Variants in C1QTNF3 observed in about 807,000 individuals in gnomAD.
C1QTNF3 encodes C1q and TNF related 3, also known as complement C1q tumor necrosis factor-related protein 3.
A neutral mutation model predicts 32.6 loss-of-function variants in C1QTNF3; 26 were observed. The observed-to-expected ratio is 0.80, with a 90% CI of 0.58 to 1.11. The LOEUF (loss-of-function observed/expected upper bound fraction) is 1.11, where lower values mean the gene tolerates loss of function less well. Ranked by LOEUF, C1QTNF3 falls within the 50% of genes least tolerant of loss-of-function variation. The pLI is 0.00. For synonymous variants in C1QTNF3, 155 were observed against 146.0 expected (o/e 1.06, Z -0.44); for missense variants, 362 against 398.2 (o/e 0.91, Z 0.77).
At chr5:34,128,198 C>G in the C1QTNF3 span, among the ~76,000 whole-genome samples, 3 of 152,228 alleles carry the variant, frequency 2.0e-5, no homozygotes, top group Non-Finnish European at 2.9e-5. Context: ...CTTCCACATA[C>G]TGCTGGGCCT....
At chr5:34,064,667 G>A in the C1QTNF3 span, among the ~76,000 whole-genome samples, 3 of 152,168 alleles carry the variant, frequency 2.0e-5, no homozygotes, top group Non-Finnish European at 2.9e-5. Context: ...GCAGATCTGG[G>A]ACGGCGGCAA....
chr5:34,103,643 C>A, the C1QTNF3 span, among the ~76,000 whole-genome samples: 1 of 123,366 alleles, frequency 8.1e-6, no homozygotes, highest in Non-Finnish European at 1.7e-5. Flanking sequence ...CATGGTGAAA[C>A]CTCGTCTCTA....
chr5:34,032,345 G>T (rs1020840257), intron 3 of C1QTNF3, among the ~76,000 whole-genome samples: 1 of 152,136 alleles, frequency 6.6e-6, no homozygotes, highest in East Asian at 1.9e-4. Flanking sequence ...GGGTACTTGA[G>T]CCTGGAAAAA....
chr5:34,233,963 T>C, the C1QTNF3 span, among the ~76,000 whole-genome samples: 5 of 152,142 alleles, frequency 3.3e-5, no homozygotes, highest in African/African-American at 1.2e-4. Context: ...TTTTTACATT[T>C]TGCAATCCTT....
the C1QTNF3 span, among the ~76,000 whole-genome samples, chr5:34,237,491 C>G: frequency 6.6e-6 from 1 of 152,104 alleles, no homozygotes; most frequent in Non-Finnish European, 1.5e-5. Flanking sequence ...GATCACACTG[C>G]ATAAGATTTT....
the C1QTNF3 span, among the ~76,000 whole-genome samples, chr5:34,217,448 T>C: frequency 6.6e-6 from 1 of 152,136 alleles, no homozygotes; most frequent in South Asian, 2.1e-4. Context: ...CATTCCTCTT[T>C]TACTAACTTC....
the C1QTNF3 span, among the ~76,000 whole-genome samples, chr5:34,079,713 T>C: frequency 6.6e-6 from 1 of 151,686 alleles, no homozygotes. Context: ...ATACCAATTA[T>C]ATGATAAGTC....
intron 1 of C1QTNF3, among the ~76,000 whole-genome samples, chr5:34,039,833 A>C (rs1023220754): frequency 6.6e-6 from 1 of 152,230 alleles, no homozygotes; most frequent in African/African-American, 2.4e-5. Context: ...GTATCTAGGC[A>C]CAAGAATTCA....
chr5:34,077,585 T>C, the C1QTNF3 span, among the ~76,000 whole-genome samples: 1 of 151,760 alleles, frequency 6.6e-6, no homozygotes, highest in African/African-American at 2.4e-5. Context: ...TTTCTTTACA[T>C]TTTTGAAAAT....
At chr5:34,047,250 G>A (rs1382225632), upstream of C1QTNF3, among the ~76,000 whole-genome samples, 1 of 152,228 alleles carries the variant, frequency 6.6e-6, no homozygotes, top group Non-Finnish European at 1.5e-5. Flanking sequence ...TGGCCCCAAG[G>A]GCCCAGTTAG....
chr5:34,050,885 A>C, the C1QTNF3 span, among the ~76,000 whole-genome samples: 1 of 152,146 alleles, frequency 6.6e-6, no homozygotes, highest in Non-Finnish European at 1.5e-5. Context: ...GTTTGCATAG[A>C]CCTGCCCAGC....
the C1QTNF3 span, among the ~76,000 whole-genome samples, chr5:34,197,512 C>G: frequency 6.6e-6 from 1 of 152,064 alleles, no homozygotes; most frequent in African/African-American, 2.4e-5. Flanking sequence ...TTATAGTTTA[C>G]CTATGATCAT....
At chr5:34,080,359 A>G in the C1QTNF3 span, among the ~76,000 whole-genome samples, 4 of 151,880 alleles carry the variant, frequency 2.6e-5, no homozygotes, top group Admixed American at 2.6e-4. Context: ...TTTGCCCAAG[A>G]TCGAAGAGCT....
chr5:34,131,569 A>T, the C1QTNF3 span, among the ~76,000 whole-genome samples: 3 of 152,034 alleles, frequency 2.0e-5, no homozygotes, highest in Non-Finnish European at 4.4e-5. Flanking sequence ...TGTGGAAACT[A>T]AAAAAAAGTT....
chr5:34,173,961 T>C, the C1QTNF3 span, among the ~76,000 whole-genome samples: 11 of 152,234 alleles, frequency 7.2e-5, no homozygotes, highest in African/African-American at 2.2e-4. Context: ...ACATGGGAAA[T>C]GCTTGGTGGC....
At chr5:34,243,481 T>C in the C1QTNF3 span, among the ~76,000 whole-genome samples, 3 of 152,120 alleles carry the variant, frequency 2.0e-5, no homozygotes, top group African/African-American at 7.2e-5. Flanking sequence ...CAAAGGAAAA[T>C]AAATTATTCT....
At chr5:34,159,678 T>A in the C1QTNF3 span, among the ~76,000 whole-genome samples, 2 of 152,070 alleles carry the variant, frequency 1.3e-5, no homozygotes, top group African/African-American at 4.8e-5. Context: ...TCAAATATAA[T>A]ACTGATAAAT....
At chr5:34,140,334 T>A in the C1QTNF3 span, among the ~76,000 whole-genome samples, 6 of 152,170 alleles carry the variant, frequency 3.9e-5, no homozygotes, top group Non-Finnish European at 7.3e-5. Flanking sequence ...AAGAATACTG[T>A]CCCATTATCC....
At chr5:34,021,276 G>A (rs949126639) in intron 5 of C1QTNF3, among the ~76,000 whole-genome samples, 1 of 152,210 alleles carries the variant, frequency 6.6e-6, no homozygotes, top group Admixed American at 6.5e-5. Flanking sequence ...GTCTGGGAAA[G>A]CAGAAGATCC....
Sources: allele counts gnomAD v4.1 joint callset (sites outside exome capture counted in the v4.1 genomes callset), GRCh38; gene constraint gnomAD v4.1.1; transcripts MANE v1.5; gene names NCBI Gene and HGNC (gene_info 2026-07-23, HGNC 2026-07-21).